The following HERC1 variants were observed in gnomAD, a reference collection of about 807,000 sequenced individuals.
HERC1 encodes the protein probable E3 ubiquitin-protein ligase HERC1.
A neutral mutation model predicts 554.3 loss-of-function variants in HERC1; 160 were observed. The observed-to-expected ratio is 0.29, with a 90% CI of 0.25 to 0.33. The LOEUF (loss-of-function observed/expected upper bound fraction) is 0.33, where lower values mean the gene tolerates loss of function less well. HERC1 is among the 10% of genes least tolerant of loss of function. HERC1 has a pLI of 1.00. For synonymous variants in HERC1, 2,175 were observed against 2,131.7 expected, an observed-to-expected ratio of 1.02 and a Z score of -0.56; for missense variants, 4,919 against 5,918.5, an observed-to-expected ratio of 0.83 and a Z score of 5.54.
chr15:63,687,311 G>T (rs947368923), intron 33 of HERC1, among the ~76,000 whole-genome samples: 3 of 152,074 alleles, frequency 2.0e-5, no homozygotes, highest in African/African-American at 4.8e-5. Flanking sequence ...AGACCGAAGC[G>T]GGCGGATCAC....
intron 54 of HERC1, 42 bp from the exon 55 acceptor site, chr15:63,648,241 T>C (rs1477260529): frequency 1.3e-6 from 2 of 1,547,866 alleles, no homozygotes; most frequent in Non-Finnish European, 1.8e-6. Context: ...AGATAATTAT[T>C]TGTCATTGTC....
At chr15:63,754,928 T>A (rs2075371541) in intron 6 of HERC1, among the ~76,000 whole-genome samples, 1 of 152,184 alleles carries the variant, frequency 6.6e-6, no homozygotes, top group Non-Finnish European at 1.5e-5. Flanking sequence ...TCATGTTGAC[T>A]TGTTTTCATT....
chr15:63,639,021 G>A (rs528574654), intron 61 of HERC1, among the ~76,000 whole-genome samples: 1 of 152,286 alleles, frequency 6.6e-6, no homozygotes, highest in Non-Finnish European at 1.5e-5. Context: ...AGCTAGCCAT[G>A]TGTTTTCTGA....
At position 63,718,326 on chromosome 15, in the gene HERC1, A is replaced by G; in HGVS notation, c.3978+248T>C. On this transcript the variant is annotated intron_variant, in intron 21 of 77. Transcript: ENST00000443617. This position sits in a 1 kb window ranked among gnomAD's most constrained non-coding sequence, Gnocchi z 4.2. ...AATAATCATTCATATGATTTGAATC[A>G]TTCAATTTGTTATTAATATTTATGC... 2.6e-6 allele frequency: 1 copy of G among 381,136 alleles called. No individual in the cohort carries two copies. The highest frequency in any genetic ancestry group is 4.7e-6 in the Non-Finnish European group (1 of 211,294). 23.6% of individuals were successfully genotyped at this position (381,136 alleles called of 1,614,324 possible).
At chr15:63,748,772 G>C (rs761489358) in intron 10 of HERC1, among the ~76,000 whole-genome samples, 1 of 152,072 alleles carries the variant, frequency 6.6e-6, no homozygotes, top group Non-Finnish European at 1.5e-5. Flanking sequence ...TACATTCTAA[G>C]CTATAAATTA....
At chr15:63,645,378 A>G (rs1321263613) in intron 56 of HERC1, 105 bp downstream of exon 56, 1 of 792,578 alleles carries the variant, frequency 1.3e-6, no homozygotes, top group Non-Finnish European at 2.0e-6. Context: ...AAGAATAGCA[A>G]CTGGCAATAA....
chr15:63,641,357 G>A (rs1223212353), intron 60 of HERC1, 113 bp downstream of exon 60: 3 of 820,708 alleles, frequency 3.7e-6, no homozygotes, highest in East Asian at 2.8e-5. Context: ...TGCCCAAATA[G>A]CCCCACTTAT....
At chr15:63,675,829 CT>C (rs2071170853) in intron 37 of HERC1, among the ~76,000 whole-genome samples, 1 of 151,036 alleles carries the variant, frequency 6.6e-6, no homozygotes, top group South Asian at 2.1e-4. Flanking sequence ...TCTATATTAC[CT>C]TTCTATTTTC....
At chr15:63,673,363 T>C (rs565241726) in intron 38 of HERC1, among the ~76,000 whole-genome samples, 5 of 152,254 alleles carry the variant, frequency 3.3e-5, no homozygotes, top group African/African-American at 1.2e-4. Context: ...ATATACACCA[T>C]GTACCTCTCT....
chr15:63,761,460 G>C (rs1451434345), intron 3 of HERC1, among the ~76,000 whole-genome samples: 1 of 151,992 alleles, frequency 6.6e-6, no homozygotes, highest in Non-Finnish European at 1.5e-5. Context: ...GATGGCACAT[G>C]CCTGTAGTCC....
At chr15:63,801,058 G>T (rs532151069) in intron 1 of HERC1, among the ~76,000 whole-genome samples, 1 of 152,168 alleles carries the variant, frequency 6.6e-6, no homozygotes. Flanking sequence ...TTTCAGGTTG[G>T]TGAACACATC....
At chr15:63,743,162 T>C (rs1404565058) in intron 12 of HERC1, among the ~76,000 whole-genome samples, 2 of 152,102 alleles carry the variant, frequency 1.3e-5, no homozygotes, top group African/African-American at 4.8e-5. Flanking sequence ...GACTTGCCCT[T>C]TGAGACTATT....
At chr15:63,641,051 C>G (rs1180402577) in intron 60 of HERC1, among the ~76,000 whole-genome samples, 1 of 152,114 alleles carries the variant, frequency 6.6e-6, no homozygotes, top group African/African-American at 2.4e-5. Context: ...CTAAATTTTC[C>G]ACAAAGATTT....
In HERC1 at chr15:63,672,594, G is replaced by T; in HGVS notation, c.7947C>A (p.Ser2649Arg). Residue 2649 changes from serine (S) to arginine (R), a missense_variant, in exon 39 of 78, where the codon AGC becomes AGA. Physicochemically the swap from Ser to Arg is moderately radical, Grantham distance 110. Coordinates refer to ENST00000443617, the MANE Select transcript of HERC1 (RefSeq NM_003922.4). ...SASSTTSFMS[S>R]SLEDTTTATT... is the part of the protein sequence containing the mutation. The stretch of plus-strand genomic sequence containing the variant: ...TGGCAGTTGTGGTGTCCTCCAGAGA[G>T]CTGCTCATAAAGGAGGTCGTGCTTG... 2 of 1,612,480 alleles carry T rather than the reference G, an allele frequency of 1.2e-6. No individual in the cohort carries two copies.
At chr15:63,628,516 A>G (rs1208728490) in intron 70 of HERC1, among the ~76,000 whole-genome samples, 161 bp downstream of exon 70, 2 of 152,252 alleles carry the variant, frequency 1.3e-5, no homozygotes, top group African/African-American at 2.4e-5. Flanking sequence ...CCTGCTATGA[A>G]AATACTTCCA....
At position 63,706,820 on chromosome 15, in the gene HERC1, T is replaced by G. The variant is rs1417593034; in HGVS notation, c.4596A>C (p.Arg1532=). Reference sequence around the variant, plus strand: ...ATGCTGCCAAATCCAAATCAACATTTCGTCTGCCACTCTATTAAAAGTAAA... The same window carrying G: ...ATGCTGCCAAATCCAAATCAACATTGCGTCTGCCACTCTATTAAAAGTAAA... ...DEEGYALSGR[R]NVDLDLAASH... The change falls in exon 25 of 78, where the codon CGA becomes CGC. Residue 1532 remains arginine (R), a synonymous_variant. Transcript: ENST00000443617. The G allele has an allele frequency of 6.5e-7, 1 of 1,541,274 alleles. No individual in the cohort carries two copies. The highest frequency in any genetic ancestry group is 2.4e-5 in the East Asian group (1 of 41,034).
chr15:63,713,397 C>T lies in HERC1; in HGVS notation c.4419G>A (p.Gln1473=), dbSNP rs751597402. Reference sequence around the variant, plus strand: ...CTTCAGAGGCACTTGTTGAAGGTTGCTGCAACTGTCCTTCTTCTCTTCGCT... The same window carrying T: ...CTTCAGAGGCACTTGTTGAAGGTTGTTGCAACTGTCCTTCTTCTCTTCGCT... ...LQKRREEGQL[Q]QPSTSASEGG... The change falls in exon 23 of 78, where the codon CAG becomes CAA. Residue 1473 remains glutamine, a synonymous_variant. Transcript: ENST00000443617. 1.4e-5 allele frequency: 23 copies of T among 1,613,892 alleles called. No individual in the cohort carries two copies. In the East Asian group the frequency reaches 2.9e-4, roughly 20 times the overall value.
intron 1 of HERC1, among the ~76,000 whole-genome samples, chr15:63,804,252 T>C (rs1331889322): frequency 3.3e-5 from 5 of 152,194 alleles, no homozygotes. Context: ...AATAAATTGA[T>C]AAGCTAGACC....
intron 1 of HERC1, among the ~76,000 whole-genome samples, chr15:63,829,559 GTGTATATATATATATA>G (rs1478285373): frequency 3.2e-5 from 3 of 94,672 alleles, no homozygotes; most frequent in African/African-American, 4.0e-5. Context: ...GTGTGTGTGT[GTGTATATATATATATA>G]TATATATATA....
Sources: gnomAD v4.1 joint callset for allele counts (sites outside exome capture counted in the v4.1 genomes callset) on GRCh38, gnomAD v4.1.1 for gene constraint, Gnocchi (gnomAD v3.1) non-coding constraint, MANE v1.5 for transcripts, NCBI Gene and HGNC (gene_info 2026-07-23, HGNC 2026-07-21) for gene names.